Variants in NUDCD3 observed in about 807,000 individuals in gnomAD.
NUDCD3 encodes nudC domain-containing protein 3.
In NUDCD3, 13 loss-of-function variants were observed where a neutral mutation model predicts 39.7. That is an observed-to-expected ratio of 0.33 (90% CI 0.21 to 0.52). NUDCD3 has a LOEUF of 0.52. Ranked by LOEUF, NUDCD3 falls within the 20% of genes least tolerant of loss-of-function variation. NUDCD3 has a pLI of 0.96. For synonymous variants in NUDCD3, 175 were observed against 172.4 expected, an observed-to-expected ratio of 1.02 and a Z score of -0.12; for missense variants, 453 against 458.1, an observed-to-expected ratio of 0.99 and a Z score of 0.10.
At chr7:44,391,274 G>A (rs1165759313) in intron 5 of NUDCD3, among the ~76,000 whole-genome samples, 2 of 152,208 alleles carry the variant, frequency 1.3e-5, no homozygotes, top group East Asian at 3.8e-4. Context: ...GCAGGGCCAG[G>A]TGAGGAGAAC....
At chr7:44,462,963 G>C (rs1363331447) in intron 2 of NUDCD3, among the ~76,000 whole-genome samples, 6 of 151,468 alleles carry the variant, frequency 4.0e-5, no homozygotes, top group Non-Finnish European at 7.4e-5. Flanking sequence ...GTGTGTGTGT[G>C]TGTGTGTGTG....
chr7:44,459,421 C>G (rs899806264), intron 2 of NUDCD3, among the ~76,000 whole-genome samples: 1 of 152,116 alleles, frequency 6.6e-6, no homozygotes, highest in Non-Finnish European at 1.5e-5. Flanking sequence ...CTCCTGGGCT[C>G]ATGCAATCCT....
chr7:44,461,682 A>T (rs1800019440), intron 2 of NUDCD3, among the ~76,000 whole-genome samples: 1 of 152,180 alleles, frequency 6.6e-6, no homozygotes, highest in Non-Finnish European at 1.5e-5. Context: ...TGACATGCAG[A>T]ATGGCCACAC....
intron 3 of NUDCD3, among the ~76,000 whole-genome samples, chr7:44,415,698 A>G (rs750410967): frequency 3.9e-5 from 6 of 152,196 alleles, no homozygotes; most frequent in Non-Finnish European, 8.8e-5. Flanking sequence ...CTACAGCTGG[A>G]GAGTAGAGGA....
rs2116848652 is a variant in NUDCD3 at position 44,382,051 on chromosome 7, C to T, written c.*3960G>A. The T allele has an allele frequency of 6.6e-6, 1 of 152,292 alleles. No homozygotes were observed. The highest frequency in any genetic ancestry group is 1.9e-4 in the East Asian group (1 of 5,170). The allele number at this position is 152,292 out of a possible 1,614,324, so 9.4% of individuals were successfully genotyped here. A position where few individuals can be genotyped will look rare whatever the true frequency, so the allele number is the denominator to read the frequency against. On this transcript the variant is annotated 3_prime_UTR_variant, in exon 6 of 6. Transcript: ENST00000355451. ...GTCTCCCTGTGCAAAGTGGGGACTTCAGGCATTTGGTGTGGAGGAATGGGT... is the reference window on the plus strand; with the variant it reads ...GTCTCCCTGTGCAAAGTGGGGACTTTAGGCATTTGGTGTGGAGGAATGGGT...
At chr7:44,482,736 GAAAGAA>G (rs1277339919) in intron 2 of NUDCD3, among the ~76,000 whole-genome samples, 1 of 152,056 alleles carries the variant, frequency 6.6e-6, no homozygotes, top group Non-Finnish European at 1.5e-5. Flanking sequence ...TCAGACATTT[GAAAGAA>G]AAAGAAAATG....
intron 2 of NUDCD3, chr7:44,468,425 C>CAGCT: frequency 1.3e-6 from 1 of 741,432 alleles, no homozygotes; most frequent in South Asian, 1.9e-5. Context: ...CAATGCCAGA[C>CAGCT]AGCTTATCAG....
At chr7:44,444,052 C>T (rs532141233) in intron 2 of NUDCD3, among the ~76,000 whole-genome samples, 22 of 152,286 alleles carry the variant, frequency 1.4e-4, no homozygotes, top group Admixed American at 8.5e-4. Flanking sequence ...CTTCAAAAGA[C>T]GCTATCATGT....
intron 3 of NUDCD3, among the ~76,000 whole-genome samples, chr7:44,407,075 T>C (rs560805995): frequency 2.6e-5 from 4 of 152,150 alleles, no homozygotes; most frequent in African/African-American, 9.6e-5. Context: ...CTAGTGTGGA[T>C]GCCTGTGTGT....
At chr7:44,486,051 G>A (rs1181250909) in intron 1 of NUDCD3, among the ~76,000 whole-genome samples, 1 of 152,246 alleles carries the variant, frequency 6.6e-6, no homozygotes, top group Non-Finnish European at 1.5e-5. Flanking sequence ...AATCTAGGGA[G>A]ACTTCTTGGA....
rs1798353621 is a variant in NUDCD3 at position 44,383,947 on chromosome 7, A to G, written c.*2064T>C. The G allele has an allele frequency of 6.6e-6, 1 of 152,276 alleles. No homozygotes were observed. The highest frequency in any genetic ancestry group is 1.9e-4 in the East Asian group (1 of 5,210). 9.4% of individuals were successfully genotyped at this position (152,276 alleles called of 1,614,324 possible). On this transcript the variant is annotated 3_prime_UTR_variant, in exon 6 of 6. Transcript: ENST00000355451. ...CCAGATGCAAGTGGCTGTTCCTGCC[A>G]TGGGGCCAATACCCAATACTATCCC...
At chr7:44,446,882 A>G (rs1799698542) in intron 2 of NUDCD3, among the ~76,000 whole-genome samples, 1 of 152,252 alleles carries the variant, frequency 6.6e-6, no homozygotes, top group Non-Finnish European at 1.5e-5. Flanking sequence ...TAAGTAAAAC[A>G]ATGCCTCAGA....
chr7:44,471,251 CT>C (rs1162130655), intron 2 of NUDCD3, among the ~76,000 whole-genome samples: 1 of 152,208 alleles, frequency 6.6e-6, no homozygotes, highest in African/African-American at 2.4e-5. Context: ...CTCATGTATA[CT>C]TTAAATCATC....
chr7:44,385,843 C>G lies in NUDCD3; in HGVS notation c.*168G>C, dbSNP rs1477287987. On this transcript the variant is annotated 3_prime_UTR_variant, in exon 6 of 6. Coordinates refer to ENST00000355451, the MANE Select transcript of NUDCD3 (RefSeq NM_015332.4). Reference sequence around the variant, plus strand: ...AGCTGGCCCCGCACCTTCTCTGGAACAGTCTGGAGATGCAAGGTCAGGGTG... The same window carrying G: ...AGCTGGCCCCGCACCTTCTCTGGAAGAGTCTGGAGATGCAAGGTCAGGGTG... The G allele has an allele frequency of 1.7e-6, 1 of 596,418 alleles. No individual in the cohort carries two copies. The highest frequency in any genetic ancestry group is 2.8e-5 in the East Asian group (1 of 35,782). 36.9% of individuals were successfully genotyped at this position (596,418 alleles called of 1,614,324 possible).
chr7:44,479,932 C>T (rs548819589), intron 2 of NUDCD3, among the ~76,000 whole-genome samples: 1 of 152,292 alleles, frequency 6.6e-6, no homozygotes, highest in South Asian at 2.1e-4. Context: ...AACTAGAGAT[C>T]GGTGCCACAA....
Position 44,380,504 on chromosome 7 carries a change from C to T in NUDCD3, c.*5507G>A, listed in dbSNP as rs948689034. The T allele has an allele frequency of 6.6e-6, 1 of 152,276 alleles. No individual in the cohort carries two copies. The highest frequency in any genetic ancestry group is 2.4e-5 in the African/African-American group (1 of 41,458). The allele number at this position is 152,276 out of a possible 1,614,324, so 9.4% of individuals were successfully genotyped here. ...GCTTAGCTCCAGTCTGTAGCCCATT[C>T]CCTGACAGGTACCTGGGTTTCCCAG... is the stretch of plus-strand genomic sequence containing the variant. On this transcript the variant is annotated 3_prime_UTR_variant, in exon 6 of 6. Transcript: ENST00000355451.
intron 5 of NUDCD3, among the ~76,000 whole-genome samples, chr7:44,389,644 G>A (rs1024536875): frequency 6.6e-6 from 1 of 152,340 alleles, no homozygotes; most frequent in South Asian, 2.1e-4. Context: ...GAGAAGGTAA[G>A]ATTAAAATGG....
chr7:44,476,685 G>A (rs1005681251), intron 2 of NUDCD3, among the ~76,000 whole-genome samples: 2 of 152,124 alleles, frequency 1.3e-5, no homozygotes, highest in Non-Finnish European at 2.9e-5. Flanking sequence ...CCAAAGAAGA[G>A]GTACTAAGAA....
chr7:44,460,057 C>T (rs1010723397), intron 2 of NUDCD3, among the ~76,000 whole-genome samples: 3 of 152,150 alleles, frequency 2.0e-5, no homozygotes, highest in African/African-American at 7.2e-5. Context: ...TAGCCTACAA[C>T]ATTAAAGCAG....
Sources: gnomAD v4.1 joint callset for allele counts (sites outside exome capture counted in the v4.1 genomes callset) on GRCh38, gnomAD v4.1.1 for gene constraint, MANE v1.5 for transcripts, NCBI Gene and HGNC (gene_info 2026-07-23, HGNC 2026-07-21) for gene names.